The following CLEC2A variants were observed in gnomAD, a reference collection of about 807,000 sequenced individuals.
CLEC2A encodes keratinocyte-associated C-type lectin.
CLEC2A carries 19 observed loss-of-function variants against 18.6 expected under a neutral mutation model. That is an observed-to-expected ratio of 1.02 (90% confidence interval 0.71 to 1.50). CLEC2A has a LOEUF of 1.50. Ranked by LOEUF, CLEC2A falls within the 40% of genes most tolerant of loss-of-function variation. The pLI, the probability that CLEC2A is intolerant of heterozygous loss-of-function variation, is 0.00. For synonymous variants in CLEC2A, 74 were observed against 64.0 expected, an observed-to-expected ratio of 1.16 and a Z score of -0.75; for missense variants, 190 against 207.9, an observed-to-expected ratio of 0.91 and a Z score of 0.53.
At chr12:9,928,687 G>A (rs1863319635) in intron 1 of CLEC2A, among the ~76,000 whole-genome samples, 2 of 152,090 alleles carry the variant, frequency 1.3e-5, no homozygotes, top group Non-Finnish European at 2.9e-5. Flanking sequence ...AAGAACCAAA[G>A]TCTTGAACAA....
chr12:9,887,564 C>T, the CLEC2A span, among the ~76,000 whole-genome samples: 1 of 152,142 alleles, frequency 6.6e-6, no homozygotes, highest in Admixed American at 6.5e-5. Context: ...GGGTGGCTAA[C>T]TTTGGATAGA....
At chr12:9,892,875 C>T in the CLEC2A span, 129 of 611,540 alleles carry the variant, frequency 2.1e-4, no homozygotes, top group Non-Finnish European at 3.2e-4. Context: ...TGAGCCACCG[C>T]GCCTGGTCTG....
At chr12:9,881,638 C>G in the CLEC2A span, 1 of 1,535,314 alleles carries the variant, frequency 6.5e-7, no homozygotes, top group Non-Finnish European at 8.7e-7. Context: ...TTTCAAGAAT[C>G]GTTGTAAATC....
chr12:9,888,625 A>G, the CLEC2A span: 2 of 610,906 alleles, frequency 3.3e-6, no homozygotes, highest in South Asian at 4.5e-5. Flanking sequence ...AGAAACTCAC[A>G]ATTTTTATTA....
chr12:9,926,235 A>G, intron 2 of CLEC2A, 25 bp downstream of exon 2: 1 of 1,346,112 alleles, frequency 7.4e-7, no homozygotes, highest in Non-Finnish European at 1.0e-6. Flanking sequence ...AGAACCATAG[A>G]AAGTGTATGA....
downstream of CLEC2A, among the ~76,000 whole-genome samples, chr12:9,911,400 C>T (rs138663302): frequency 5.9e-5 from 9 of 152,282 alleles, no homozygotes; most frequent in African/African-American, 1.4e-4. Flanking sequence ...AGGAATTTAT[C>T]CTCTCTGGCA....
At chr12:9,917,763 T>G (rs1263522612) in intron 3 of CLEC2A, among the ~76,000 whole-genome samples, 2 of 152,188 alleles carry the variant, frequency 1.3e-5, no homozygotes, top group East Asian at 3.8e-4. Context: ...CTTGCTAGCA[T>G]TTGTGGTTTT....
At chr12:9,915,373 A>T (rs1371578626) in intron 4 of CLEC2A, among the ~76,000 whole-genome samples, 1 of 152,206 alleles carries the variant, frequency 6.6e-6, no homozygotes, top group Non-Finnish European at 1.5e-5. Context: ...AAGGAATATA[A>T]GTAATTCTAT....
intron 2 of CLEC2A, among the ~76,000 whole-genome samples, chr12:9,924,829 C>T (rs117309845): frequency 0.021 from 3,220 of 152,224 alleles, 55 homozygotes; most frequent in Non-Finnish European, 0.03. Context: ...ACTTTTAAAA[C>T]AGCAGATGCA....
intron 2 of CLEC2A, among the ~76,000 whole-genome samples, chr12:9,925,186 G>A (rs914314419): frequency 6.6e-6 from 1 of 152,196 alleles, no homozygotes; most frequent in African/African-American, 2.4e-5. Flanking sequence ...TTAACTAAAC[G>A]CATGTGCTTT....
intron 4 of CLEC2A, 58 bp from the exon 5 acceptor site, chr12:9,913,738 C>T: frequency 1.8e-6 from 2 of 1,100,168 alleles, no homozygotes; most frequent in Non-Finnish European, 2.6e-6. Context: ...ATCAAAAAGA[C>T]AATTAATAAT....
chr12:9,923,646 C>G (rs562141391), intron 2 of CLEC2A, among the ~76,000 whole-genome samples: 1 of 152,108 alleles, frequency 6.6e-6, no homozygotes, highest in Non-Finnish European at 1.5e-5. Flanking sequence ...TATTGTGGCA[C>G]TATTCACAAT....
the CLEC2A span, among the ~76,000 whole-genome samples, chr12:9,878,499 G>A: frequency 1.3e-5 from 2 of 152,148 alleles, no homozygotes; most frequent in Non-Finnish European, 2.9e-5. Flanking sequence ...GGGTTAAACT[G>A]ACAGAACTTA....
intron 3 of CLEC2A, among the ~76,000 whole-genome samples, chr12:9,921,398 C>T (rs1316209063): frequency 6.6e-6 from 1 of 152,066 alleles, no homozygotes; most frequent in Non-Finnish European, 1.5e-5. Context: ...CCAGCCTGGA[C>T]AACATAGTGA....
chr12:9,897,595 A>G (rs1032214040), downstream of CLEC2A, among the ~76,000 whole-genome samples: 2 of 150,910 alleles, frequency 1.3e-5, no homozygotes, highest in Non-Finnish European at 2.9e-5. Flanking sequence ...CATCCTGCCA[A>G]CAGTGCCACC....
At chr12:9,931,409 A>G (rs1198268334) in intron 1 of CLEC2A, among the ~76,000 whole-genome samples, 1 of 152,236 alleles carries the variant, frequency 6.6e-6, no homozygotes, top group Non-Finnish European at 1.5e-5. Context: ...TCTAAATAGA[A>G]CATCCTTAAA....
intron 4 of CLEC2A, among the ~76,000 whole-genome samples, chr12:9,903,301 C>A (rs1862861977): frequency 6.6e-6 from 1 of 152,000 alleles, no homozygotes; most frequent in Non-Finnish European, 1.5e-5. Flanking sequence ...TTTGTGAGAG[C>A]TGTTTCTATA....
At chr12:9,912,206 G>A (rs1237342679), downstream of CLEC2A, among the ~76,000 whole-genome samples, 1 of 152,162 alleles carries the variant, frequency 6.6e-6, no homozygotes, top group Non-Finnish European at 1.5e-5. Context: ...CAGGGGAAAA[G>A]CTTAATTTTC....
At chr12:9,907,854 G>A (rs1233698074) in intron 4 of CLEC2A, among the ~76,000 whole-genome samples, 1 of 152,168 alleles carries the variant, frequency 6.6e-6, no homozygotes, top group Non-Finnish European at 1.5e-5. Flanking sequence ...CTCAGCCAAA[G>A]GACAGGCCCA....
Sources: allele counts gnomAD v4.1 joint callset (sites outside exome capture counted in the v4.1 genomes callset), GRCh38; gene constraint gnomAD v4.1.1; transcripts MANE v1.5; gene names NCBI Gene and HGNC (gene_info 2026-07-23, HGNC 2026-07-21).